The following RBM33 variants were observed in gnomAD, a reference collection of about 807,000 sequenced individuals.
RBM33 encodes RNA-binding protein 33.
A neutral mutation model predicts 132.6 loss-of-function variants in RBM33; 28 were observed. The ratio of observed to expected loss-of-function variants is 0.21; its 90% CI spans 0.16 to 0.29. The LOEUF is 0.29. Ranked by LOEUF, RBM33 falls within the 10% of genes least tolerant of loss-of-function variation. RBM33 has a pLI of 1.00. For synonymous variants in RBM33, 634 were observed against 593.0 expected (o/e 1.07, Z -1.01); for missense variants, 1,291 against 1,518.5 (o/e 0.85, Z 2.49).
intron 9 of RBM33, among the ~76,000 whole-genome samples, chr7:155,734,158 G>T (rs1801040366): frequency 6.6e-6 from 1 of 152,250 alleles, no homozygotes; most frequent in African/African-American, 2.4e-5. Context: ...CTCTTTGTGA[G>T]TTGGCTTGGA....
chr7:155,717,226 A>G (rs564097482), intron 8 of RBM33, among the ~76,000 whole-genome samples: 10 of 152,294 alleles, frequency 6.6e-5, no homozygotes, highest in Non-Finnish European at 1.3e-4. Context: ...TAAACAACAG[A>G]AACTTATTTT....
At chr7:155,725,322 C>T (rs1407573936) in intron 9 of RBM33, among the ~76,000 whole-genome samples, 1 of 149,498 alleles carries the variant, frequency 6.7e-6, no homozygotes, top group African/African-American at 2.5e-5. Context: ...GTGTGTTCAG[C>T]CTGTGGAGCA....
intron 16 of RBM33, among the ~76,000 whole-genome samples, chr7:155,773,825 AT>A (rs775389016): frequency 5.9e-5 from 9 of 152,138 alleles, no homozygotes; most frequent in Non-Finnish European, 1.3e-4. Flanking sequence ...CAGGCAGCAG[AT>A]TTGAGGACTA....
intron 9 of RBM33, among the ~76,000 whole-genome samples, chr7:155,719,574 TTTA>T (rs1380465540): frequency 6.6e-6 from 1 of 152,208 alleles, no homozygotes; most frequent in Non-Finnish European, 1.5e-5. Flanking sequence ...ATTAGTTGTT[TTTA>T]AAACATTAGA....
intron 1 of RBM33, among the ~76,000 whole-genome samples, chr7:155,649,623 G>T (rs916497908): frequency 6.6e-6 from 1 of 151,990 alleles, no homozygotes; most frequent in African/African-American, 2.4e-5. Context: ...CCTTTTCTGG[G>T]TTTGCTATAT....
intron 2 of RBM33, among the ~76,000 whole-genome samples, chr7:155,671,485 T>C (rs1798941142): frequency 6.6e-6 from 1 of 152,228 alleles, no homozygotes; most frequent in Non-Finnish European, 1.5e-5. Flanking sequence ...TTAAATGATT[T>C]GTCAGGTTGT....
At chr7:155,712,026 A>G (rs1800319339) in intron 8 of RBM33, among the ~76,000 whole-genome samples, 1 of 152,224 alleles carries the variant, frequency 6.6e-6, no homozygotes. Flanking sequence ...AAAAATGTGT[A>G]TCTCTTATTG....
chr7:155,745,165 C>G lies in RBM33; in HGVS notation c.2542C>G (p.Leu848Val), dbSNP rs772150059. Residue 848 changes from leucine (L) to valine (V), a missense_variant, in exon 14 of 18, where the codon CTG becomes GTG. Leu to Val is a conservative substitution (Grantham distance 32). Around this residue, in one of 7 missense-constraint regions of RBM33, gnomAD observed 841 missense variants for 912.0 expected, o/e 0.92. Coordinates refer to ENST00000401878, the MANE Select transcript of RBM33 (RefSeq NM_053043.3). The surrounding 1 kb of genome is among the most constrained non-coding windows in gnomAD (Gnocchi z 4.1). ...CCCAGCAGAGCAGGAAGAGCAGGCA[C>G]TGTCACCATCACCCACCAACGGTAA... ...PPPAEQEEQA[L>V]SPSPTNGNPL... 2.5e-5 allele frequency: 40 copies of G among 1,609,260 alleles called. No individual in the cohort carries two copies. Among genetic ancestry groups the G allele is most frequent in the Non-Finnish European group, 2.0e-5 (24 of 1,177,614 alleles).
At chr7:155,716,669 G>T (rs984657011) in intron 8 of RBM33, among the ~76,000 whole-genome samples, 5 of 151,974 alleles carry the variant, frequency 3.3e-5, no homozygotes, top group Admixed American at 6.6e-5. Context: ...ATCTTCTGAG[G>T]TCAGAGATAT....
At chr7:155,699,429 C>G (rs1286724013) in intron 5 of RBM33, among the ~76,000 whole-genome samples, 1 of 152,146 alleles carries the variant, frequency 6.6e-6, no homozygotes, top group Non-Finnish European at 1.5e-5. Context: ...AATAGACGTC[C>G]TAAGGAAGCT....
rs1802652750 is a variant in RBM33, at chr7:155,777,449, T to C, written c.*2408T>C. 1 of 152,146 alleles carries C rather than the reference T, an allele frequency of 6.6e-6. No homozygotes were observed. The highest frequency in any genetic ancestry group is 1.5e-5 in the Non-Finnish European group (1 of 68,038). The allele number at this position is 152,146 out of a possible 1,614,324, so 9.4% of individuals were successfully genotyped here. On this transcript the variant is annotated 3_prime_UTR_variant, in exon 18 of 18. Coordinates refer to ENST00000401878, the MANE Select transcript of RBM33 (RefSeq NM_053043.3). ...GATTCTTAGTACCAGACAATCCCAG[T>C]AATGAAGGTTTAGTTTCCTTGAAGG...
intron 5 of RBM33, among the ~76,000 whole-genome samples, chr7:155,693,805 T>G (rs1220946205): frequency 6.6e-6 from 1 of 152,154 alleles, no homozygotes; most frequent in Non-Finnish European, 1.5e-5. Flanking sequence ...ATAATACTGT[T>G]TTAAGTGCTG....
At chr7:155,662,807 G>C (rs1433951098) in intron 1 of RBM33, among the ~76,000 whole-genome samples, 1 of 152,190 alleles carries the variant, frequency 6.6e-6, no homozygotes, top group African/African-American at 2.4e-5. Context: ...ACAATGGGTA[G>C]GTGGGGGTGG....
chr7:155,666,809 A>G (rs1045126653), intron 2 of RBM33, among the ~76,000 whole-genome samples: 2 of 152,208 alleles, frequency 1.3e-5, no homozygotes, highest in Non-Finnish European at 2.9e-5. Context: ...ATCTCCTCCC[A>G]GTCTGTGGCA....
At chr7:155,738,019 T>C in intron 10 of RBM33, 41 bp from the exon 11 acceptor site, 1 of 1,535,558 alleles carries the variant, frequency 6.5e-7, no homozygotes, top group Non-Finnish European at 8.9e-7. Context: ...AAGCACATGG[T>C]CTTTTTAACC....
At chr7:155,762,029 A>G (rs548160694) in intron 14 of RBM33, among the ~76,000 whole-genome samples, 1 of 152,322 alleles carries the variant, frequency 6.6e-6, no homozygotes, top group Non-Finnish European at 1.5e-5. Context: ...GGTTGACCCG[A>G]CTGCTGCGTA....
intron 5 of RBM33, among the ~76,000 whole-genome samples, chr7:155,697,286 A>ACT (rs1799820856): frequency 6.6e-6 from 1 of 152,042 alleles, no homozygotes; most frequent in African/African-American, 2.4e-5. Flanking sequence ...GATAAACCCC[A>ACT]CTTGGTTGTG....
rs73167161 is a variant in RBM33, at chr7:155,735,742, C to T, written c.1261-1788C>T. Among the ~76,000 whole-genome samples, 217 of 86,128 alleles carry T rather than the reference C, an allele frequency of 2.5e-3. 4 individuals are homozygous for T. Among genetic ancestry groups the T allele is most frequent in the African/African-American group, 0.012 (205 of 17,564 alleles). 56.5% of individuals were successfully genotyped at this position (86,128 alleles called of 152,430 possible). ...CTGTCTCTCTCTCTCTCTCTCTCTC[C>T]CTCTCTCAGGAAAAGAGATCCATAT... On this transcript the variant is annotated intron_variant, in intron 9 of 17. Coordinates refer to ENST00000401878, the MANE Select transcript of RBM33 (RefSeq NM_053043.3).
chr7:155,668,076 C>T (rs553883331), intron 2 of RBM33, among the ~76,000 whole-genome samples: 26 of 152,212 alleles, frequency 1.7e-4, no homozygotes, highest in Admixed American at 6.5e-4. Context: ...TTCCTTATTA[C>T]GTAAATATCT....
Sources: gnomAD v4.1 joint callset for allele counts (sites outside exome capture counted in the v4.1 genomes callset) on GRCh38, gnomAD v4.1.1 for gene constraint, gnomAD v4.1.1 regional missense constraint, Gnocchi (gnomAD v3.1) non-coding constraint, MANE v1.5 for transcripts, NCBI Gene and HGNC (gene_info 2026-07-23, HGNC 2026-07-21) for gene names.